The following MRPS6 variants were observed in gnomAD, a reference collection of about 807,000 sequenced individuals.
The protein encoded by MRPS6 is mitochondrial ribosomal protein S6, also known as small ribosomal subunit protein bS6m.
MRPS6 carries 6 observed loss-of-function variants against 13.1 expected under a neutral mutation model. That is an observed-to-expected ratio of 0.46 (90% CI 0.25 to 0.91). The LOEUF is 0.91. Ranked by LOEUF, MRPS6 falls within the 40% of genes least tolerant of loss-of-function variation. The pLI, the probability that MRPS6 is intolerant of heterozygous loss-of-function variation, is 0.18. For missense variants in MRPS6, 164 were observed against 155.6 expected, an observed-to-expected ratio of 1.05 and a Z score of -0.29; for synonymous variants, 61 against 56.5, an observed-to-expected ratio of 1.08 and a Z score of -0.36.
chr21:34,074,556 C>T (rs1243622771), intron 1 of MRPS6, among the ~76,000 whole-genome samples: 1 of 152,202 alleles, frequency 6.6e-6, no homozygotes, highest in Non-Finnish European at 1.5e-5. Flanking sequence ...GGACAGGGGC[C>T]CGCGGCCCGG....
rs149914018 is a variant in MRPS6, at chr21:34,096,833, C to A, written c.45+23088C>A. ...CAAAGGAACAGATTCGAACCACCAC[C>A]TTTTGGTCTAAGAAGAACCTGGTGG... On this transcript the variant is annotated intron_variant, in intron 1 of 2. Coordinates refer to ENST00000399312, the MANE Select transcript of MRPS6 (RefSeq NM_032476.4). The surrounding 1 kb of genome is among the most constrained non-coding windows in gnomAD (Gnocchi z 5.9). The A allele has an allele frequency of 4.3e-6, 7 of 1,614,042 alleles. No homozygotes were observed. Among genetic ancestry groups the A allele is most frequent in the Non-Finnish European group, 5.1e-6 (6 of 1,179,984 alleles).
intron 2 of MRPS6, among the ~76,000 whole-genome samples, chr21:34,139,480 T>A (rs1432128144): frequency 1.3e-5 from 2 of 152,238 alleles, no homozygotes; most frequent in African/African-American, 2.4e-5. Context: ...CATATTTCGT[T>A]AATAAGATAT....
At chr21:34,111,128 TC>T (rs1189321977) in intron 1 of MRPS6, among the ~76,000 whole-genome samples, 2 of 152,258 alleles carry the variant, frequency 1.3e-5, no homozygotes, top group East Asian at 3.8e-4. Flanking sequence ...ACTGCAGTTT[TC>T]CACCATGCTG....
intron 1 of MRPS6, chr21:34,103,348 A>G (rs867228946): frequency 9.0e-6 from 9 of 997,460 alleles, no homozygotes; most frequent in Admixed American, 6.2e-5. Context: ...TTACATTGAC[A>G]TACTTTATGT....
At chr21:34,100,819 G>T in intron 1 of MRPS6, 1 of 1,000,180 alleles carries the variant, frequency 1.0e-6, no homozygotes, top group South Asian at 4.7e-5. Context: ...AATATCATTT[G>T]GTGTGGCCTG....
At chr21:34,125,013 T>C (rs1980250603) in intron 1 of MRPS6, 1 of 198,706 alleles carries the variant, frequency 5.0e-6, no homozygotes, top group Non-Finnish European at 1.0e-5. Context: ...CTGACAGTGA[T>C]TGGCACTGAT....
At chr21:34,133,312 T>G (rs1266273616) in intron 2 of MRPS6, among the ~76,000 whole-genome samples, 1 of 152,152 alleles carries the variant, frequency 6.6e-6, no homozygotes, top group Non-Finnish European at 1.5e-5. Flanking sequence ...TTTCTTAGGA[T>G]TATTGAGTGA....
chr21:34,141,791 C>T (rs546281064), intron 2 of MRPS6, among the ~76,000 whole-genome samples: 8 of 152,302 alleles, frequency 5.3e-5, no homozygotes, highest in East Asian at 3.9e-4. Context: ...ACCAGTGAGC[C>T]GTGCGGGATG....
intron 2 of MRPS6, among the ~76,000 whole-genome samples, chr21:34,127,405 G>T (rs1248260271): frequency 6.6e-6 from 1 of 152,242 alleles, no homozygotes; most frequent in Non-Finnish European, 1.5e-5. Flanking sequence ...TGATCAATTA[G>T]ATGTGGGAAG....
chr21:34,112,159 GTTATA>G (rs1169028106), intron 1 of MRPS6, among the ~76,000 whole-genome samples: 1 of 151,944 alleles, frequency 6.6e-6, no homozygotes, highest in East Asian at 1.9e-4. Flanking sequence ...TTCCTTTCTA[GTTATA>G]TTAAGTACAG....
In MRPS6 at chr21:34,082,102, T is replaced by C. The variant is rs1219532714; in HGVS notation, c.45+8357T>C. ...CAACTAATTGAATACTTAGGTACCATGGATCAAATGTAATGTATCTGTGGG... is the reference window on the plus strand; with the variant it reads ...CAACTAATTGAATACTTAGGTACCACGGATCAAATGTAATGTATCTGTGGG... On this transcript the variant is annotated intron_variant, in intron 1 of 2. Coordinates refer to ENST00000399312, the MANE Select transcript of MRPS6 (RefSeq NM_032476.4). Among the ~76,000 whole-genome samples, 5 of 151,934 alleles carry C rather than the reference T, an allele frequency of 3.3e-5. No individual in the cohort carries two copies. In the East Asian group the frequency reaches 7.7e-4, roughly 23 times the overall value.
At chr21:34,095,089 CTG>C in intron 1 of MRPS6, 1 of 1,407,420 alleles carries the variant, frequency 7.1e-7, no homozygotes, top group Non-Finnish European at 9.6e-7. Context: ...CTGTGTTGCT[CTG>C]TGTAGTCCAG....
intron 2 of MRPS6, among the ~76,000 whole-genome samples, chr21:34,126,302 C>G (rs531024310): frequency 1.3e-5 from 2 of 152,174 alleles, no homozygotes; most frequent in Admixed American, 6.5e-5. Context: ...TGCTCTGCGA[C>G]GAGAATGCTG....
At chr21:34,095,354 T>G in intron 1 of MRPS6, 1 of 1,614,136 alleles carries the variant, frequency 6.2e-7, no homozygotes, top group Non-Finnish European at 8.5e-7. Flanking sequence ...TAGCAATTGG[T>G]GCCTCTCTGT....
chr21:34,105,219 C>T (rs1015932154), intron 1 of MRPS6: 1 of 1,000,124 alleles, frequency 1.0e-6, no homozygotes, highest in African/African-American at 1.7e-5. Context: ...CAGGGATTTA[C>T]CCGTTCTTTG....
At chr21:34,108,022 TG>T (rs1200629566) in intron 1 of MRPS6, among the ~76,000 whole-genome samples, 2 of 152,196 alleles carry the variant, frequency 1.3e-5, no homozygotes, top group African/African-American at 4.8e-5. Context: ...CAGTGAACAA[TG>T]GACGACGTAT....
At chr21:34,095,506 G>T in intron 1 of MRPS6, 1 of 1,613,930 alleles carries the variant, frequency 6.2e-7, no homozygotes, top group Non-Finnish European at 8.5e-7. Context: ...ATTTACATCC[G>T]GTCAGGGGTA....
At chr21:34,105,748 T>C in intron 1 of MRPS6, 1 of 998,618 alleles carries the variant, frequency 1.0e-6, no homozygotes. Flanking sequence ...CTACAGCTTT[T>C]TTAATTTTAA....
At position 34,102,120 on chromosome 21, in the gene MRPS6, A is replaced by G. The variant is rs1008559921; in HGVS notation, c.46-23221A>G. On this transcript the variant is annotated intron_variant, in intron 1 of 2. Coordinates refer to ENST00000399312, the MANE Select transcript of MRPS6 (RefSeq NM_032476.4). ...CAAATCTTTTTCTTCTGTCAAGGTC[A>G]CTTAATATGGAATGTTTTTGTCAGA... 3 of 999,982 alleles carry G rather than the reference A, an allele frequency of 3.0e-6. No homozygotes were observed. The African/African-American group carries it at 5.2e-5, about 17-fold the overall frequency. 61.9% of individuals were successfully genotyped at this position (999,982 alleles called of 1,614,324 possible).
Sources: gnomAD v4.1 joint callset for allele counts (sites outside exome capture counted in the v4.1 genomes callset) on GRCh38, gnomAD v4.1.1 for gene constraint, Gnocchi (gnomAD v3.1) non-coding constraint, MANE v1.5 for transcripts, NCBI Gene and HGNC (gene_info 2026-07-23, HGNC 2026-07-21) for gene names.